GPR141: variants seen among roughly 807,000 people sequenced by gnomAD.
The protein encoded by GPR141 is G protein-coupled receptor 141.
Under a neutral mutation model 6.8 loss-of-function variants are expected in GPR141, and 6 were observed. That is an observed-to-expected ratio of 0.88 (90% CI 0.48 to 1.74). The LOEUF is 1.74. GPR141 is among the 40% of genes most tolerant of loss of function. GPR141 has a pLI of 0.01. For missense variants in GPR141, 372 were observed against 372.9 expected, an observed-to-expected ratio of 1.00 and a Z score of 0.02; for synonymous variants, 140 against 142.3, an observed-to-expected ratio of 0.98 and a Z score of 0.11.
intron 2 of GPR141, among the ~76,000 whole-genome samples, chr7:37,696,694 T>G (rs540566560): frequency 6.6e-6 from 1 of 152,188 alleles, no homozygotes; most frequent in South Asian, 2.1e-4. Flanking sequence ...TTAATCTTAT[T>G]ATTTGGTTGT....
chr7:37,708,993 G>T (rs530020743), intron 2 of GPR141, among the ~76,000 whole-genome samples: 1 of 152,092 alleles, frequency 6.6e-6, no homozygotes, highest in Non-Finnish European at 1.5e-5. Context: ...TAATTAAGCC[G>T]AGTAAAATTA....
chr7:37,727,020 G>A (rs1811666090), intron 2 of GPR141, among the ~76,000 whole-genome samples: 3 of 152,200 alleles, frequency 2.0e-5, no homozygotes, highest in Admixed American at 1.3e-4. Context: ...GACTTTGCAA[G>A]GAAGAAGTTT....
At chr7:37,725,804 T>C (rs920002505) in intron 2 of GPR141, among the ~76,000 whole-genome samples, 42 of 152,176 alleles carry the variant, frequency 2.8e-4, no homozygotes, top group Non-Finnish European at 2.9e-5. Flanking sequence ...TTTCATTCTT[T>C]TATTTTAAAA....
At chr7:37,707,301 G>C (rs1380118116) in intron 2 of GPR141, among the ~76,000 whole-genome samples, 1 of 152,126 alleles carries the variant, frequency 6.6e-6, no homozygotes, top group Admixed American at 6.5e-5. Flanking sequence ...TTTTATCAAT[G>C]TAGGCTTAGA....
chr7:37,690,065 G>A (rs1024412691), intron 2 of GPR141, among the ~76,000 whole-genome samples: 1 of 151,354 alleles, frequency 6.6e-6, no homozygotes, highest in East Asian at 1.9e-4. Flanking sequence ...CTTTTGCTGT[G>A]CTCCATAAAT....
At chr7:37,690,985 A>G (rs991554219) in intron 2 of GPR141, among the ~76,000 whole-genome samples, 5 of 152,124 alleles carry the variant, frequency 3.3e-5, no homozygotes, top group East Asian at 1.9e-4. Flanking sequence ...TTATGTATCT[A>G]TGTGCTCTGG....
At chr7:37,737,085 GTAA>G (rs1812278852) in intron 2 of GPR141, among the ~76,000 whole-genome samples, 1 of 151,988 alleles carries the variant, frequency 6.6e-6, no homozygotes, top group African/African-American at 2.4e-5. Flanking sequence ...CATTTTAAAT[GTAA>G]TAATCATAAA....
intron 2 of GPR141, among the ~76,000 whole-genome samples, chr7:37,724,329 A>C (rs1323405341): frequency 1.3e-5 from 2 of 152,066 alleles, no homozygotes; most frequent in African/African-American, 4.8e-5. Context: ...ACCATAGAAA[A>C]CCCAAGAGAG....
At chr7:37,706,648 C>T (rs1810537802) in intron 2 of GPR141, among the ~76,000 whole-genome samples, 2 of 152,204 alleles carry the variant, frequency 1.3e-5, no homozygotes, top group South Asian at 2.1e-4. Flanking sequence ...TTGGCAGAGG[C>T]TCAGCTGAAC....
chr7:37,715,745 G>A (rs1371826995), intron 2 of GPR141, among the ~76,000 whole-genome samples: 2 of 152,144 alleles, frequency 1.3e-5, no homozygotes, highest in East Asian at 1.9e-4. Context: ...GAAGACTGTG[G>A]CCAGCAGGTA....
chr7:37,728,023 G>T (rs149105017), intron 2 of GPR141, among the ~76,000 whole-genome samples: 24 of 152,234 alleles, frequency 1.6e-4, no homozygotes, highest in African/African-American at 5.3e-4. Flanking sequence ...CCAAGCCTTT[G>T]CCCAGAATCT....
chr7:37,705,236 A>G (rs1273828943), intron 2 of GPR141, among the ~76,000 whole-genome samples: 1 of 150,638 alleles, frequency 6.6e-6, no homozygotes, highest in East Asian at 1.9e-4. Flanking sequence ...CTGACTTCAG[A>G]TGGGCAGTCC....
intron 2 of GPR141, among the ~76,000 whole-genome samples, chr7:37,696,517 C>T (rs747809639): frequency 5.9e-5 from 9 of 151,962 alleles, no homozygotes; most frequent in Non-Finnish European, 1.3e-4. Flanking sequence ...TGCTCTATGC[C>T]TGGCATTCAA....
At chr7:37,686,632 A>G (rs1809525740) in intron 2 of GPR141, among the ~76,000 whole-genome samples, 1 of 151,764 alleles carries the variant, frequency 6.6e-6, no homozygotes, top group Non-Finnish European at 1.5e-5. Flanking sequence ...GAATAAGTGA[A>G]TGAAATGATG....
chr7:37,727,790 A>G (rs1020435779), intron 2 of GPR141, among the ~76,000 whole-genome samples: 1 of 152,192 alleles, frequency 6.6e-6, no homozygotes, highest in African/African-American at 2.4e-5. Context: ...CAACTATCCA[A>G]TCTGTTGCCA....
intron 2 of GPR141, among the ~76,000 whole-genome samples, chr7:37,718,154 T>C (rs1811135516): frequency 6.6e-6 from 1 of 151,962 alleles, no homozygotes; most frequent in South Asian, 2.1e-4. Flanking sequence ...AGCACCCTCA[T>C]GGGGACTATA....
chr7:37,726,117 A>T (rs1350606621), intron 2 of GPR141, among the ~76,000 whole-genome samples: 1 of 152,198 alleles, frequency 6.6e-6, no homozygotes, highest in Non-Finnish European at 1.5e-5. Context: ...TGGTATGAAC[A>T]TGAGCATTTT....
In GPR141 at chr7:37,742,590, G is replaced by C. The variant is rs1481807181; in HGVS notation, c.*1279G>C. Among the ~76,000 whole-genome samples the C allele has an allele frequency of 1.3e-5, 2 of 152,118 alleles. No individual in the cohort carries two copies. The highest frequency in any genetic ancestry group is 2.9e-5 in the Non-Finnish European group (2 of 68,014). Reference sequence around the variant, plus strand: ...ATAAATGAAAACTGTGTTTTTAAAAGAGGACTTTTGAGAAGTATATAGAAA... The same window carrying C: ...ATAAATGAAAACTGTGTTTTTAAAACAGGACTTTTGAGAAGTATATAGAAA... On this transcript the variant is annotated 3_prime_UTR_variant, in exon 3 of 3. Transcript: ENST00000334425.
Position 37,741,866 on chromosome 7 carries a change from C to T in GPR141, c.*555C>T, listed in dbSNP as rs181494608. 8.6e-4 allele frequency among the ~76,000 whole-genome samples: 131 copies of T among 152,242 alleles called. No homozygotes were observed. The highest frequency in any genetic ancestry group is 3.4e-3 in the Middle Eastern group (1 of 294). ...GGGTATCATAACTCTGGTAGGAAGTCATCTGTCTAGAAATCAAGAGAAAAA... is the reference window on the plus strand; with the variant it reads ...GGGTATCATAACTCTGGTAGGAAGTTATCTGTCTAGAAATCAAGAGAAAAA... On this transcript the variant is annotated 3_prime_UTR_variant, in exon 3 of 3. Transcript: ENST00000334425.
Sources: gnomAD v4.1 joint callset for allele counts (sites outside exome capture counted in the v4.1 genomes callset) on GRCh38, gnomAD v4.1.1 for gene constraint, MANE v1.5 for transcripts, NCBI Gene and HGNC (gene_info 2026-07-23, HGNC 2026-07-21) for gene names.